The following FNDC1 variants were observed in gnomAD, a reference collection of about 807,000 sequenced individuals.
FNDC1 encodes fibronectin type III domain-containing protein 1.
Under a neutral mutation model 168.0 loss-of-function variants are expected in FNDC1, and 96 were observed. The observed-to-expected ratio is 0.57, with a 90% CI of 0.48 to 0.68. The LOEUF (loss-of-function observed/expected upper bound fraction) is 0.68, where lower values mean the gene tolerates loss of function less well. Ranked by LOEUF, FNDC1 falls within the 30% of genes least tolerant of loss-of-function variation. The probability of loss-of-function intolerance (pLI) is 0.00; values close to 1 mark genes in which losing one functional copy is unlikely to be tolerated. For synonymous variants in FNDC1, 1,099 were observed against 1,025.9 expected (o/e 1.07, Z -1.36); for missense variants, 2,587 against 2,482.1 (o/e 1.04, Z -0.90).
chr6:159,247,654 C>T (rs1777165574), intron 15 of FNDC1, among the ~76,000 whole-genome samples: 1 of 152,126 alleles, frequency 6.6e-6, no homozygotes, highest in African/African-American at 2.4e-5. Flanking sequence ...GAGGCTGAGA[C>T]AGGTGGATTG....
chr6:159,177,273 C>T (rs753987984), intron 1 of FNDC1, among the ~76,000 whole-genome samples: 1 of 152,136 alleles, frequency 6.6e-6, no homozygotes, highest in Non-Finnish European at 1.5e-5. Context: ...TGAGCATGTG[C>T]CACTCTTGAA....
intron 17 of FNDC1, among the ~76,000 whole-genome samples, chr6:159,255,900 G>A (rs1402319641): frequency 1.3e-5 from 2 of 152,202 alleles, no homozygotes; most frequent in East Asian, 3.8e-4. Context: ...AGGGCCAAGG[G>A]TTCACCCGCT....
At chr6:159,222,508 C>T (rs930984997) in intron 6 of FNDC1, among the ~76,000 whole-genome samples, 15 of 152,052 alleles carry the variant, frequency 9.9e-5, no homozygotes, top group East Asian at 7.7e-4. Context: ...AAAGAAAAAA[C>T]GAAACAAAAA....
chr6:159,269,490 CTATCTATCT>C (rs1777684978), intron 22 of FNDC1, among the ~76,000 whole-genome samples: 21 of 135,888 alleles, frequency 1.5e-4, no homozygotes, highest in African/African-American at 5.6e-4. Flanking sequence ...ATCTATCTAT[CTATCTATCT>C]ATCCATCCAT....
chr6:159,240,078 G>A (rs193146140), intron 14 of FNDC1, 121 bp downstream of exon 14: 33 of 918,338 alleles, frequency 3.6e-5, no homozygotes, highest in Middle Eastern at 2.5e-4. Context: ...GCAGCAACCC[G>A]ATGCATTTTT....
At chr6:159,198,206 C>T (rs1782292175) in intron 2 of FNDC1, among the ~76,000 whole-genome samples, 1 of 152,248 alleles carries the variant, frequency 6.6e-6, no homozygotes, top group Non-Finnish European at 1.5e-5. Context: ...CGAGCTGCCT[C>T]TGAATCCTCT....
intron 2 of FNDC1, among the ~76,000 whole-genome samples, chr6:159,199,045 C>T (rs1157694224): frequency 6.6e-6 from 1 of 152,170 alleles, no homozygotes. Flanking sequence ...TAATAATGCT[C>T]CCTACTTTGA....
chr6:159,228,682 T>C (rs1010101788), intron 9 of FNDC1, among the ~76,000 whole-genome samples: 1 of 152,194 alleles, frequency 6.6e-6, no homozygotes, highest in Non-Finnish European at 1.5e-5. Context: ...TTTTTCTTTT[T>C]ATTTTATTTT....
intron 1 of FNDC1, among the ~76,000 whole-genome samples, chr6:159,189,051 CA>C (rs925096866): frequency 6.6e-6 from 1 of 152,178 alleles, no homozygotes; most frequent in African/African-American, 2.4e-5. Flanking sequence ...TGCACCTGGC[CA>C]ATTTTTATTT....
At chr6:159,224,355 A>T (rs1333536749) in intron 7 of FNDC1, among the ~76,000 whole-genome samples, 1 of 152,220 alleles carries the variant, frequency 6.6e-6, no homozygotes, top group Non-Finnish European at 1.5e-5. Flanking sequence ...CCACGACTGA[A>T]TACATTAAGT....
intron 5 of FNDC1, among the ~76,000 whole-genome samples, chr6:159,220,823 C>A (rs1479927754): frequency 1.3e-5 from 2 of 152,224 alleles, no homozygotes; most frequent in African/African-American, 4.8e-5. Context: ...CCTCCCTGTG[C>A]ACGGGTTTGG....
intron 4 of FNDC1, 40 bp from the exon 5 acceptor site, chr6:159,214,905 G>A: frequency 6.3e-7 from 1 of 1,596,146 alleles, no homozygotes; most frequent in Non-Finnish European, 8.6e-7. Flanking sequence ...ACTCTAAGTG[G>A]TCTACTGTCT....
chr6:159,254,132 A>G (rs1459638599), intron 17 of FNDC1, among the ~76,000 whole-genome samples: 2 of 152,238 alleles, frequency 1.3e-5, no homozygotes, highest in African/African-American at 4.8e-5. Context: ...CAGTGATCAT[A>G]GGGTGCTAAA....
intron 20 of FNDC1, among the ~76,000 whole-genome samples, chr6:159,265,540 A>G (rs891195388): frequency 1.1e-4 from 17 of 152,182 alleles, no homozygotes; most frequent in Non-Finnish European, 2.1e-4. Context: ...AAATGTGTAT[A>G]CTTTAAATAC....
At chr6:159,179,852 T>A (rs1396328863) in intron 1 of FNDC1, among the ~76,000 whole-genome samples, 1 of 152,228 alleles carries the variant, frequency 6.6e-6, no homozygotes, top group African/African-American at 2.4e-5. Context: ...TATACCTAAA[T>A]ATATTTATGT....
At chr6:159,260,392 T>C (rs1469708045) in intron 18 of FNDC1, among the ~76,000 whole-genome samples, 1 of 152,238 alleles carries the variant, frequency 6.6e-6, no homozygotes, top group African/African-American at 2.4e-5. Flanking sequence ...CCAGATGAGC[T>C]AGTTGACTCA....
At position 159,231,892 on chromosome 6, in the gene FNDC1, G is replaced by C. The variant is rs761045006; in HGVS notation, c.1380G>C (p.Ala460=). The C allele has an allele frequency of 6.3e-6, 10 of 1,595,442 alleles. No homozygotes were observed. The highest frequency in any genetic ancestry group is 7.7e-6 in the Non-Finnish European group (9 of 1,174,606). The part of the protein sequence containing the change: ...FIVAMPTTSK[A]DVEQNTEDNG... ...TAAAATCTGTTGCAGCCAGTAAGGC[G>C]GATGTTGAGCAGAACACGGAGGACA... The change falls in exon 11 of 23, where the codon GCG becomes GCC. Residue 460 remains alanine, a synonymous_variant. Coordinates refer to ENST00000297267, the MANE Select transcript of FNDC1 (RefSeq NM_032532.3).
chr6:159,180,377 G>T (rs1419006432), intron 1 of FNDC1, among the ~76,000 whole-genome samples: 2 of 151,996 alleles, frequency 1.3e-5, no homozygotes, highest in Admixed American at 1.3e-4. Flanking sequence ...AAATACCAGG[G>T]GTTAGAATTT....
At chr6:159,267,250 C>A (rs1425988484) in intron 21 of FNDC1, among the ~76,000 whole-genome samples, 1 of 151,992 alleles carries the variant, frequency 6.6e-6, no homozygotes, top group Non-Finnish European at 1.5e-5. Flanking sequence ...CTTTCTCTTC[C>A]ATCACTGTCC....
Sources: allele counts gnomAD v4.1 joint callset (sites outside exome capture counted in the v4.1 genomes callset), GRCh38; gene constraint gnomAD v4.1.1; transcripts MANE v1.5; gene names NCBI Gene and HGNC (gene_info 2026-07-23, HGNC 2026-07-21).